KIF26B: variants seen among roughly 807,000 people sequenced by gnomAD.
KIF26B encodes kinesin family member 26B, also known as kinesin-like protein KIF26B.
KIF26B carries 63 observed loss-of-function variants against 151.2 expected under a neutral mutation model. The observed-to-expected ratio is 0.42, with a 90% CI of 0.34 to 0.51. KIF26B has a LOEUF of 0.51. KIF26B is among the 20% of genes least tolerant of loss of function. The pLI, the probability that KIF26B is intolerant of heterozygous loss-of-function variation, is 0.07. For missense variants in KIF26B, 2,813 were observed against 2,913.6 expected (o/e 0.97, Z 0.79); for synonymous variants, 1,357 against 1,262.1 (o/e 1.08, Z -1.59).
intron 5 of KIF26B, among the ~76,000 whole-genome samples, chr1:245,543,862 C>T (rs1013713087): frequency 7.9e-5 from 12 of 152,122 alleles, no homozygotes; most frequent in Non-Finnish European, 1.2e-4. Flanking sequence ...GCAGGAGAAT[C>T]GCTTGAACCT....
chr1:245,671,485 G>C (rs1269306479), intron 10 of KIF26B, among the ~76,000 whole-genome samples: 1 of 152,210 alleles, frequency 6.6e-6, no homozygotes, highest in Non-Finnish European at 1.5e-5. Flanking sequence ...GGGGAGTAGG[G>C]AGTGGGGAGT....
At chr1:245,354,864 C>T (rs575505187) in intron 2 of KIF26B, among the ~76,000 whole-genome samples, 2 of 152,314 alleles carry the variant, frequency 1.3e-5, no homozygotes, top group Admixed American at 1.3e-4. Flanking sequence ...CACCTAGGCC[C>T]GGGTGTCAAC....
Position 245,156,559 on chromosome 1 carries a change from G to T in KIF26B, c.341G>T (p.Gly114Val), listed in dbSNP as rs745950507. 128 of 1,532,520 alleles carry T rather than the reference G, an allele frequency of 8.4e-5. No individual in the cohort carries two copies. The highest frequency in any genetic ancestry group is 1.0e-4 in the Non-Finnish European group (117 of 1,145,878). The allele number at this position is 1,532,520 out of a possible 1,614,324, so 94.9% of individuals were successfully genotyped here. Residue 114 changes from glycine to valine, a missense_variant, in exon 2 of 15, where the codon GGC becomes GTC. Physicochemically the swap from Gly to Val is moderately radical, Grantham distance 109. Transcript: ENST00000407071. ...PGFGTGSPGS[G>V]SGGGSSPGSD... is the part of the protein sequence containing the mutation. ...TTCGGCACAGGCTCCCCGGGCTCCG[G>T]CAGCGGCGGCGGCTCCTCCCCCGGC...
intron 2 of KIF26B, among the ~76,000 whole-genome samples, chr1:245,242,416 C>T (rs1321478407): frequency 6.6e-6 from 1 of 152,196 alleles, no homozygotes. Context: ...AATGTCTACC[C>T]TTGTGTTAAC....
intron 9 of KIF26B, among the ~76,000 whole-genome samples, chr1:245,618,895 TG>T (rs2103160931): frequency 1.4e-5 from 2 of 146,590 alleles, no homozygotes; most frequent in African/African-American, 2.6e-5. Flanking sequence ...GTCTGCTGCG[TG>T]CTGTTGGTGA....
chr1:245,161,515 T>C (rs1668528989), intron 2 of KIF26B, among the ~76,000 whole-genome samples: 1 of 152,212 alleles, frequency 6.6e-6, no homozygotes. Flanking sequence ...CCATTTGTTA[T>C]TTGGCATTAT....
In KIF26B at chr1:245,424,353, GC is replaced by G. The variant is rs1658572154; in HGVS notation, c.1166+4611del. 3.9e-5 allele frequency among the ~76,000 whole-genome samples: 6 copies of G among 152,232 alleles called. No individual in the cohort carries two copies. In the South Asian group the frequency reaches 1.2e-3, roughly 32 times the overall value. The stretch of plus-strand genomic sequence containing the variant: ...AGTAGAGATGGGGTTTCATCATGTT[GC>G]CCAGGCTGGTCTTGAACTCCTGACC... On this transcript the variant is annotated intron_variant, in intron 4 of 14. Coordinates refer to ENST00000407071, the MANE Select transcript of KIF26B (RefSeq NM_018012.4).
chr1:245,610,408 C>T (rs184357904), intron 8 of KIF26B, among the ~76,000 whole-genome samples: 1 of 152,240 alleles, frequency 6.6e-6, no homozygotes, highest in East Asian at 1.9e-4. Context: ...CGCTGGGCAC[C>T]CCCCCAGAGT....
At chr1:245,313,052 G>A (rs570112221) in intron 2 of KIF26B, among the ~76,000 whole-genome samples, 62 of 152,124 alleles carry the variant, frequency 4.1e-4, no homozygotes, top group South Asian at 2.1e-3. Context: ...CCAGCTACTC[G>A]GGAGGCTGAG....
chr1:245,291,741 G>T, intron 2 of KIF26B, among the ~76,000 whole-genome samples: 1 of 152,322 alleles, frequency 6.6e-6, no homozygotes, highest in South Asian at 2.1e-4. Context: ...TGAGGACCTG[G>T]CATTTAAGCT....
chr1:245,611,755 T>TC, intron 8 of KIF26B, 38 bp from the exon 9 acceptor site: 1 of 1,595,748 alleles, frequency 6.3e-7, no homozygotes, highest in Non-Finnish European at 8.5e-7. Flanking sequence ...CAAGCCCTCC[T>TC]CAGCCTGCAG....
At chr1:245,584,171 T>G (rs1398187398) in intron 5 of KIF26B, among the ~76,000 whole-genome samples, 1 of 152,070 alleles carries the variant, frequency 6.6e-6, no homozygotes, top group Non-Finnish European at 1.5e-5. Flanking sequence ...AAGTGTGTGT[T>G]TCCTGCCCCG....
chr1:245,207,787 C>T (rs772233064), intron 2 of KIF26B, among the ~76,000 whole-genome samples: 3 of 152,188 alleles, frequency 2.0e-5, no homozygotes, highest in Non-Finnish European at 2.9e-5. Context: ...ACGTACACAT[C>T]GTTTTTCACA....
At chr1:245,369,469 A>C (rs1311526605) in intron 3 of KIF26B, among the ~76,000 whole-genome samples, 1 of 152,212 alleles carries the variant, frequency 6.6e-6, no homozygotes, top group Non-Finnish European at 1.5e-5. Flanking sequence ...TTATCCTAAG[A>C]TATTAGCATT....
intron 3 of KIF26B, among the ~76,000 whole-genome samples, chr1:245,390,943 A>AAAAAAAAACAAAAC (rs1553270133): frequency 8.4e-6 from 1 of 118,412 alleles, no homozygotes; most frequent in African/African-American, 4.1e-5. Context: ...AAAAAAAAAA[A>AAAAAAAAACAAAAC]AAAAAAAAAC....
chr1:245,423,770 G>T (rs1768101), intron 4 of KIF26B, among the ~76,000 whole-genome samples: 1 of 151,950 alleles, frequency 6.6e-6, no homozygotes, highest in East Asian at 1.9e-4. Flanking sequence ...ATATAGCGTC[G>T]CTCTCATTCA....
chr1:245,192,503 CTGTCT>C (rs1669127650), intron 2 of KIF26B, among the ~76,000 whole-genome samples: 1 of 152,166 alleles, frequency 6.6e-6, no homozygotes, highest in Non-Finnish European at 1.5e-5. Flanking sequence ...TCTCATATAT[CTGTCT>C]TAAGAATTTA....
intron 2 of KIF26B, among the ~76,000 whole-genome samples, chr1:245,325,111 AG>A (rs377263374): frequency 3.0e-5 from 4 of 131,396 alleles, no homozygotes; most frequent in African/African-American, 9.4e-5. Flanking sequence ...AAAAAAAAAA[AG>A]AAAAAAAGAA....
intron 3 of KIF26B, among the ~76,000 whole-genome samples, chr1:245,378,027 C>A (rs1673318490): frequency 6.6e-6 from 1 of 152,100 alleles, no homozygotes; most frequent in South Asian, 2.1e-4. Flanking sequence ...CCTTGTAAGT[C>A]ATTTGTGCTT....
Sources: allele counts gnomAD v4.1 joint callset (sites outside exome capture counted in the v4.1 genomes callset), GRCh38; gene constraint gnomAD v4.1.1; transcripts MANE v1.5; gene names NCBI Gene and HGNC (gene_info 2026-07-23, HGNC 2026-07-21).